CNTLN: variants seen among roughly 807,000 people sequenced by gnomAD.
CNTLN encodes the protein centlein, centrosomal protein.
In CNTLN, 212 loss-of-function variants were observed where a neutral mutation model predicts 180.0. The ratio of observed to expected loss-of-function variants is 1.18; its 90% CI spans 1.05 to 1.32. CNTLN has a LOEUF of 1.32. Ranked by LOEUF, CNTLN falls within the 40% of genes most tolerant of loss-of-function variation. CNTLN has a pLI of 0.00. For missense variants in CNTLN, 2,095 were observed against 1,610.9 expected (o/e 1.30, Z -5.14); for synonymous variants, 722 against 563.1 (o/e 1.28, Z -3.99).
intron 23 of CNTLN, among the ~76,000 whole-genome samples, chr9:17,479,438 A>G (rs1289417386): frequency 6.6e-6 from 1 of 152,244 alleles, no homozygotes; most frequent in Non-Finnish European, 1.5e-5. Flanking sequence ...AGCCAGTTAC[A>G]GAAAGACAAG....
chr9:17,515,501 A>G, the CNTLN span, among the ~76,000 whole-genome samples: 1 of 152,130 alleles, frequency 6.6e-6, no homozygotes, highest in Non-Finnish European at 1.5e-5. Flanking sequence ...TTGATGGTCT[A>G]ATAGGTATCC....
intron 2 of CNTLN, among the ~76,000 whole-genome samples, chr9:17,206,604 A>G (rs565823020): frequency 6.6e-6 from 1 of 152,246 alleles, no homozygotes; most frequent in South Asian, 2.1e-4. Flanking sequence ...TGCCTTCCCC[A>G]TGTATCTGTA....
chr9:17,404,573 T>C lies in CNTLN; in HGVS notation c.2616-4720T>C, dbSNP rs142335461. 1.8e-4 allele frequency among the ~76,000 whole-genome samples: 27 copies of C among 151,686 alleles called. No individual in the cohort carries two copies. The East Asian group carries it at 5.0e-3, about 28-fold the overall frequency. On this transcript the variant is annotated intron_variant, in intron 15 of 25. Coordinates refer to ENST00000380647, the MANE Select transcript of CNTLN (RefSeq NM_017738.4). Reference sequence around the variant, plus strand: ...AATTATCCCAATTATTGAGGTAAAATTAGGAGGACCATGTTTGGAAACCAG... The same window carrying C: ...AATTATCCCAATTATTGAGGTAAAACTAGGAGGACCATGTTTGGAAACCAG...
chr9:17,221,308 A>T (rs1824120848), intron 2 of CNTLN, among the ~76,000 whole-genome samples: 1 of 152,064 alleles, frequency 6.6e-6, no homozygotes, highest in Non-Finnish European at 1.5e-5. Flanking sequence ...AAAATATAAA[A>T]TGGCAGATAT....
the CNTLN span, among the ~76,000 whole-genome samples, chr9:17,515,449 A>G: frequency 6.6e-6 from 1 of 151,990 alleles, no homozygotes; most frequent in African/African-American, 2.4e-5. Flanking sequence ...CAGCCCTGAC[A>G]TCTCCCCTGA....
At chr9:17,512,646 TAAGAA>T in the CNTLN span, among the ~76,000 whole-genome samples, 1 of 152,088 alleles carries the variant, frequency 6.6e-6, no homozygotes, top group Non-Finnish European at 1.5e-5. Flanking sequence ...AATCTATAAT[TAAGAA>T]AAGAAGAGAG....
chr9:17,245,685 C>G (rs926059256), intron 5 of CNTLN, among the ~76,000 whole-genome samples: 2 of 151,916 alleles, frequency 1.3e-5, no homozygotes, highest in Non-Finnish European at 2.9e-5. Flanking sequence ...TAGATTTGCC[C>G]TTTCACTTTA....
chr9:17,152,236 C>T (rs1379179774), intron 2 of CNTLN, among the ~76,000 whole-genome samples: 2 of 152,064 alleles, frequency 1.3e-5, no homozygotes, highest in African/African-American at 4.8e-5. Context: ...TTCTCTAGTC[C>T]TTTTAATTGT....
chr9:17,308,251 A>G (rs1014611304), intron 7 of CNTLN, among the ~76,000 whole-genome samples: 1 of 152,066 alleles, frequency 6.6e-6, no homozygotes, highest in African/African-American at 2.4e-5. Context: ...TATTTAATGC[A>G]TATTGCCTTG....
intron 6 of CNTLN, among the ~76,000 whole-genome samples, chr9:17,280,559 A>G (rs1467206430): frequency 1.3e-5 from 2 of 152,214 alleles, no homozygotes; most frequent in Admixed American, 6.5e-5. Flanking sequence ...CAGAGTGGGC[A>G]AAAGTACAAG....
intron 2 of CNTLN, among the ~76,000 whole-genome samples, chr9:17,220,380 G>A (rs1824049292): frequency 6.6e-6 from 1 of 151,936 alleles, no homozygotes; most frequent in African/African-American, 2.4e-5. Context: ...TTATAGAAGA[G>A]GGGATTATAA....
chr9:17,384,115 G>C (rs764138303), intron 13 of CNTLN, among the ~76,000 whole-genome samples: 1 of 152,072 alleles, frequency 6.6e-6, no homozygotes, highest in Non-Finnish European at 1.5e-5. Context: ...AATAAAAAGA[G>C]GGTGTTACAC....
chr9:17,428,801 A>C (rs1829243567), intron 18 of CNTLN, among the ~76,000 whole-genome samples: 1 of 152,110 alleles, frequency 6.6e-6, no homozygotes, highest in Admixed American at 6.6e-5. Context: ...TCTCAAGGTC[A>C]CAATAATACA....
At chr9:17,392,212 C>G (rs751532510) in intron 14 of CNTLN, among the ~76,000 whole-genome samples, 4 of 152,062 alleles carry the variant, frequency 2.6e-5, no homozygotes, top group South Asian at 2.1e-4. Flanking sequence ...GGCTGAAAAA[C>G]CATGATCGAG....
At chr9:17,151,621 C>T (rs1240069566) in intron 2 of CNTLN, among the ~76,000 whole-genome samples, 2 of 152,064 alleles carry the variant, frequency 1.3e-5, no homozygotes, top group African/African-American at 4.8e-5. Context: ...CTGAAATTTT[C>T]TTTTTTTGTT....
At chr9:17,317,847 C>A (rs1435213518) in intron 8 of CNTLN, among the ~76,000 whole-genome samples, 1 of 151,962 alleles carries the variant, frequency 6.6e-6, no homozygotes, top group African/African-American at 2.4e-5. Context: ...AACATGATCT[C>A]AGAGAGGTAA....
chr9:17,279,662 C>G (rs1256790462), intron 6 of CNTLN, among the ~76,000 whole-genome samples: 1 of 151,440 alleles, frequency 6.6e-6, no homozygotes, highest in African/African-American at 2.4e-5. Context: ...TGTAGAGCAG[C>G]TGCTCGAAAC....
chr9:17,283,199 G>A (rs595894), intron 6 of CNTLN, among the ~76,000 whole-genome samples: 71,231 of 151,948 alleles, frequency 0.47, 17,363 homozygotes, highest in South Asian at 0.7. Context: ...TTTTCACGAT[G>A]TTGATTCTTT....
intron 2 of CNTLN, among the ~76,000 whole-genome samples, chr9:17,157,645 C>T (rs992386922): frequency 6.6e-6 from 1 of 152,096 alleles, no homozygotes; most frequent in African/African-American, 2.4e-5. Context: ...TGGTGGCCAT[C>T]ATCCGGTCAT....
Sources: gnomAD v4.1 joint callset for allele counts (sites outside exome capture counted in the v4.1 genomes callset) on GRCh38, gnomAD v4.1.1 for gene constraint, MANE v1.5 for transcripts, NCBI Gene and HGNC (gene_info 2026-07-23, HGNC 2026-07-21) for gene names.